Variants in CLCN6 observed in about 807,000 individuals in gnomAD.
CLCN6 encodes H(+)/Cl(-) exchange transporter 6.
A neutral mutation model predicts 109.8 loss-of-function variants in CLCN6; 70 were observed. That is an observed-to-expected ratio of 0.64 (90% CI 0.53 to 0.78). The LOEUF (loss-of-function observed/expected upper bound fraction) is 0.78, where lower values mean the gene tolerates loss of function less well. Ranked by LOEUF, CLCN6 falls within the 30% of genes least tolerant of loss-of-function variation. The pLI, the probability that CLCN6 is intolerant of heterozygous loss-of-function variation, is 0.00. For synonymous variants in CLCN6, 444 were observed against 447.8 expected (o/e 0.99, Z 0.11); for missense variants, 984 against 1,142.3 (o/e 0.86, Z 2.00).
Position 11,823,513 on chromosome 1 carries a change from A to C in CLCN6, c.454-194A>C, listed in dbSNP as rs114934149. 2.0e-3 allele frequency among the ~76,000 whole-genome samples: 303 copies of C among 150,838 alleles called. 1 individual carries two copies. The highest frequency in any genetic ancestry group is 7.1e-3 in the African/African-American group (292 of 41,182). On this transcript the variant is annotated intron_variant, in intron 6 of 22. Transcript: ENST00000346436. ...AAGAAAAAAAAGTGCAAGTCCTCCC[A>C]TTGCCCCTCAGACCTCCTGAGTCAG... is the stretch of plus-strand genomic sequence containing the variant.
chr1:11,839,913 ATTT>A (rs1644997913), intron 22 of CLCN6, among the ~76,000 whole-genome samples: 1 of 152,200 alleles, frequency 6.6e-6, no homozygotes, highest in Non-Finnish European at 1.5e-5. Context: ...GTGGAAGGAC[ATTT>A]TAGTTCAGAT....
chr1:11,819,985 A>C (rs1204145586), intron 5 of CLCN6, among the ~76,000 whole-genome samples: 1 of 152,246 alleles, frequency 6.6e-6, no homozygotes, highest in Non-Finnish European at 1.5e-5. Flanking sequence ...AGTTAGGGAA[A>C]AAAAAGTCAT....
intron 20 of CLCN6, among the ~76,000 whole-genome samples, chr1:11,838,075 A>G (rs1413686314): frequency 6.6e-6 from 1 of 152,158 alleles, no homozygotes; most frequent in Non-Finnish European, 1.5e-5. Context: ...AAACTTCCTA[A>G]TAAGCCATTT....
chr1:11,820,899 AC>A, intron 5 of CLCN6: 1 of 151,494 alleles, frequency 6.6e-6, no homozygotes, highest in Admixed American at 6.6e-5. Flanking sequence ...ACATGACAAA[AC>A]CCCATCTCTA....
At chr1:11,814,724 G>T (rs1644646221) in intron 2 of CLCN6, among the ~76,000 whole-genome samples, 1 of 152,062 alleles carries the variant, frequency 6.6e-6, no homozygotes, top group Non-Finnish European at 1.5e-5. Context: ...CTGAATCTGT[G>T]CCTCTTCCTA....
At chr1:11,823,958 T>C (rs961882923) in intron 7 of CLCN6, 125 bp downstream of exon 7, 1 of 1,208,742 alleles carries the variant, frequency 8.3e-7, no homozygotes, top group African/African-American at 1.5e-5. Context: ...GTCTGCACTT[T>C]TTGTTGATGG....
chr1:11,838,464 T>C (rs760248079), intron 21 of CLCN6, 22 bp downstream of exon 21: 2 of 1,612,314 alleles, frequency 1.2e-6, no homozygotes, highest in Non-Finnish European at 8.5e-7. Flanking sequence ...TGCCCCGGCC[T>C]GTCCCATGCG....
At chr1:11,830,777 TATATATAC>T in intron 13 of CLCN6, among the ~76,000 whole-genome samples, 2 of 112,626 alleles carry the variant, frequency 1.8e-5, no homozygotes, top group Admixed American at 8.0e-5. Context: ...ACACACACAC[TATATATAC>T]ACACACACAC....
intron 5 of CLCN6, among the ~76,000 whole-genome samples, chr1:11,821,097 AAAC>A (rs1426772877): frequency 1.3e-5 from 2 of 151,518 alleles, no homozygotes; most frequent in Non-Finnish European, 3.0e-5. Context: ...CAAAAAAAAA[AAAC>A]AAACAAAATC....
At chr1:11,824,416 T>A in intron 7 of CLCN6, 70 bp from the exon 8 acceptor site, 1 of 1,288,110 alleles carries the variant, frequency 7.8e-7, no homozygotes, top group South Asian at 1.3e-5. Context: ...AAGGTTTTTG[T>A]AGCCAAGGTC....
In CLCN6 at chr1:11,838,187, C is replaced by A. The variant is rs1644973894; in HGVS notation, c.2296-148C>A. The A allele has an allele frequency of 9.8e-6, 7 of 716,946 alleles. No homozygotes were observed. The South Asian group carries it at 1.1e-4, about 12-fold the overall frequency. 44.4% of individuals were successfully genotyped at this position (716,946 alleles called of 1,614,324 possible). ...CCAAGGACTTGGTTTGACTGGAGAG[C>A]TCTCACTCTGGAGCGCTTGCTGCTG... On this transcript the variant is annotated intron_variant, in intron 20 of 22. Transcript: ENST00000346436.
chr1:11,812,297 G>T (rs898463147), intron 2 of CLCN6, among the ~76,000 whole-genome samples: 4 of 152,230 alleles, frequency 2.6e-5, no homozygotes, highest in Non-Finnish European at 5.9e-5. Flanking sequence ...AGAACAGCCA[G>T]ATGGAGAGAT....
At position 11,840,146 on chromosome 1, in the gene CLCN6, G is replaced by A. The variant is rs544177954; in HGVS notation, c.2533G>A (p.Val845Met). The A allele has an allele frequency of 1.5e-5, 25 of 1,613,798 alleles. No homozygotes were observed. The South Asian group carries it at 1.9e-4, about 12-fold the overall frequency. The stretch of plus-strand genomic sequence containing the variant: ...TCAGGCCTTCTCTTTGCCCTAGATC[G>A]TGGGGATCATCACACGGCACAACCT... ...LPVVNAVGEI[V>M]GIITRHNLTY... Residue 845 changes from valine (V) to methionine (M), a missense_variant, in exon 23 of 23, where the codon GTG (valine) becomes ATG (methionine). Val to Met is a conservative substitution (Grantham distance 21, BLOSUM62 1). Coordinates refer to ENST00000346436, the MANE Select transcript of CLCN6 (RefSeq NM_001286.5).
chr1:11,837,456 T>A lies in CLCN6; in HGVS notation c.2252T>A (p.Val751Asp), dbSNP rs767919636. The A allele has an allele frequency of 6.2e-7, 1 of 1,614,146 alleles. No homozygotes were observed. The highest frequency in any genetic ancestry group is 8.5e-7 in the Non-Finnish European group (1 of 1,179,988). The change falls in exon 20 of 23, where the codon GTC (valine) becomes GAC (aspartate). Residue 751 changes from valine (V) to aspartate (D), a missense_variant. Transcript: ENST00000346436. ...GGCCTGATCCTTCGGTCGCAGCTTGTCACCCTGCTTGTCCGAGGAGTTTGT... is the reference window on the plus strand; with the variant it reads ...GGCCTGATCCTTCGGTCGCAGCTTGACACCCTGCTTGTCCGAGGAGTTTGT... The part of the protein sequence containing the change: ...FHGLILRSQL[V>D]TLLVRGVCYS...
intron 9 of CLCN6, 145 bp from the exon 10 acceptor site, chr1:11,826,944 G>T: frequency 2.1e-6 from 2 of 946,620 alleles, no homozygotes; most frequent in Non-Finnish European, 3.1e-6. Context: ...CGCGGCAAAG[G>T]CTGCCTCACC....
rs1349711794 is a variant in CLCN6, at chr1:11,806,210, C to A, written c.-53C>A. On this transcript the variant is annotated 5_prime_UTR_variant, in exon 1 of 23. Coordinates refer to ENST00000346436, the MANE Select transcript of CLCN6 (RefSeq NM_001286.5). ...GGGGCCAGTCACGTGAGGCGCAGAT[C>A]CTGGCTGGGAGGGGGTTGGTAGAGG... 1 of 1,379,166 alleles carries A rather than the reference C, an allele frequency of 7.3e-7. No individual in the cohort carries two copies. The highest frequency in any genetic ancestry group is 1.8e-5 in the South Asian group (1 of 54,464). The allele number at this position is 1,379,166 out of a possible 1,614,324, so 85.4% of individuals were successfully genotyped here.
chr1:11,819,626 G>A, intron 5 of CLCN6, 72 bp downstream of exon 5: 3 of 1,369,840 alleles, frequency 2.2e-6, no homozygotes, highest in Non-Finnish European at 3.1e-6. Context: ...ATAGAAATGG[G>A]TCTAACAGTA....
At position 11,829,302 on chromosome 1, in the gene CLCN6, A is replaced by T. The variant is rs1187823760; in HGVS notation, c.1228A>T (p.Asn410Tyr). The change falls in exon 13 of 23, where the codon AAT (asparagine) becomes TAT (tyrosine). Residue 410 changes from asparagine to tyrosine, a missense_variant. Physicochemically the swap from Asn to Tyr is moderately radical, Grantham distance 143 (BLOSUM62 -2). Coordinates refer to ENST00000346436, the MANE Select transcript of CLCN6 (RefSeq NM_001286.5). The stretch of plus-strand genomic sequence containing the variant: ...GATGTCCTCTTCGAGTCAAATCGGT[A>T]ATGACTCATTCCAGCTCCAGGTAAC... ...RQMSSSSQIGNDSFQLQVTED... is the reference protein window; with the variant it reads ...RQMSSSSQIGYDSFQLQVTED... 1 of 1,613,986 alleles carries T rather than the reference A, an allele frequency of 6.2e-7. No homozygotes were observed. The highest frequency in any genetic ancestry group is 2.2e-5 in the East Asian group (1 of 44,898).
In CLCN6 at chr1:11,833,920, T is replaced by C. The variant is rs1557432079; in HGVS notation, c.1416T>C (p.Tyr472=). The C allele has an allele frequency of 6.2e-7, 1 of 1,613,982 alleles. No individual in the cohort carries two copies. The highest frequency in any genetic ancestry group is 8.5e-7 in the Non-Finnish European group (1 of 1,179,992). ...PVTLALFFVL[Y]FLLACWTYGI... is the part of the protein sequence containing the mutation. ...CTCTGGCCTTGTTCTTCGTTCTCTA[T>C]TTCTTGCTTGCATGTTGGACTTACG... Residue 472 remains tyrosine, a synonymous_variant, in exon 15 of 23, where the codon TAT becomes TAC. Coordinates refer to ENST00000346436, the MANE Select transcript of CLCN6 (RefSeq NM_001286.5).
Sources: gnomAD v4.1 joint callset for allele counts (sites outside exome capture counted in the v4.1 genomes callset) on GRCh38, gnomAD v4.1.1 for gene constraint, MANE v1.5 for transcripts, NCBI Gene and HGNC (gene_info 2026-07-23, HGNC 2026-07-21) for gene names.